CDC5L: variants seen among roughly 807,000 people sequenced by gnomAD.
CDC5L encodes cell division cycle 5-like protein.
Under a neutral mutation model 104.1 loss-of-function variants are expected in CDC5L, and 18 were observed. The ratio of observed to expected loss-of-function variants is 0.17; its 90% CI spans 0.12 to 0.26. The LOEUF is 0.26. Among genes scored for constraint, CDC5L ranks in the 10% least tolerant of loss-of-function variants. The pLI, the probability that CDC5L is intolerant of heterozygous loss-of-function variation, is 1.00. For synonymous variants in CDC5L, 331 were observed against 322.7 expected (o/e 1.03, Z -0.28); for missense variants, 673 against 956.9 (o/e 0.70, Z 3.91).
At chr6:44,403,199 G>A (rs553912132) in intron 5 of CDC5L, among the ~76,000 whole-genome samples, 1 of 152,028 alleles carries the variant, frequency 6.6e-6, no homozygotes, top group Admixed American at 6.5e-5. Flanking sequence ...AATTAGATAT[G>A]CACAAATGGT....
intron 5 of CDC5L, among the ~76,000 whole-genome samples, chr6:44,402,909 A>G (rs1251394931): frequency 6.6e-6 from 1 of 152,182 alleles, no homozygotes; most frequent in African/African-American, 2.4e-5. Flanking sequence ...TCTTACTGAT[A>G]GTTGTTTAGA....
At chr6:44,438,222 A>T (rs1209918643) in intron 14 of CDC5L, among the ~76,000 whole-genome samples, 1 of 152,230 alleles carries the variant, frequency 6.6e-6, no homozygotes, top group Admixed American at 6.5e-5. Context: ...TGCTAGGATT[A>T]CAGGTGTGAA....
intron 4 of CDC5L, among the ~76,000 whole-genome samples, chr6:44,394,613 T>C (rs1486349250): frequency 6.6e-6 from 1 of 151,680 alleles, no homozygotes; most frequent in Admixed American, 6.6e-5. Context: ...CCCAGCACGT[T>C]GGGAGGCTGA....
In CDC5L at chr6:44,399,436, T is replaced by A. The variant is rs1791018077; in HGVS notation, c.539+2996T>A. On this transcript the variant is annotated intron_variant, in intron 5 of 15. Coordinates refer to ENST00000371477, the MANE Select transcript of CDC5L (RefSeq NM_001253.4). ...TATATCTTCAAATATTTAATTCTGC[T>A]CCTTTCACTTCTCTCCTTTTGGTAC... Among the ~76,000 whole-genome samples the A allele has an allele frequency of 3.3e-5, 5 of 152,336 alleles. No homozygotes were observed. The South Asian group carries it at 1.0e-3, about 32-fold the overall frequency.
intron 8 of CDC5L, among the ~76,000 whole-genome samples, chr6:44,416,847 T>C (rs1791929943): frequency 1.3e-5 from 2 of 152,228 alleles, no homozygotes; most frequent in South Asian, 4.1e-4. Context: ...TTGATTCTTA[T>C]TTCTCCTCTT....
At position 44,446,785 on chromosome 6, in the gene CDC5L, T is replaced by C. The variant is rs1028202422; in HGVS notation, c.*74T>C. On this transcript the variant is annotated 3_prime_UTR_variant, in exon 16 of 16. Transcript: ENST00000371477. ...ACTCTAGAAGGCTGAAACTGATGTT[T>C]ATCTTCATTGACAAATTTACCCACC... The C allele has an allele frequency of 2.0e-4, 147 of 717,372 alleles. No homozygotes were observed. Among genetic ancestry groups the C allele is most frequent in the Admixed American group, 1.1e-3 (42 of 37,658 alleles). 44.4% of individuals were successfully genotyped at this position (717,372 alleles called of 1,614,324 possible).
intron 8 of CDC5L, among the ~76,000 whole-genome samples, chr6:44,417,741 C>G (rs552153513): frequency 6.6e-6 from 1 of 152,232 alleles, no homozygotes; most frequent in African/African-American, 2.4e-5. Flanking sequence ...GACCTGACCC[C>G]CACAAGTTGT....
At chr6:44,415,540 C>A (rs978693134) in intron 8 of CDC5L, among the ~76,000 whole-genome samples, 3 of 152,050 alleles carry the variant, frequency 2.0e-5, no homozygotes, top group Non-Finnish European at 1.5e-5. Context: ...GCTTTTTTGT[C>A]CTCCCCCATG....
chr6:44,399,641 T>G (rs1429505899), intron 5 of CDC5L, among the ~76,000 whole-genome samples: 1 of 152,184 alleles, frequency 6.6e-6, no homozygotes. Context: ...AGTTTACATT[T>G]CAGCTTTGTA....
At chr6:44,408,708 G>A (rs1024863105) in intron 8 of CDC5L, 76 bp downstream of exon 8, 11 of 1,103,054 alleles carry the variant, frequency 1.0e-5, no homozygotes, top group South Asian at 4.2e-5. Context: ...AGAACTAAGC[G>A]GTTTGGTTGT....
chr6:44,406,991 G>C (rs1290594422), intron 7 of CDC5L, among the ~76,000 whole-genome samples: 1 of 152,092 alleles, frequency 6.6e-6, no homozygotes, highest in Non-Finnish European at 1.5e-5. Context: ...GATAGCTTCA[G>C]CTTCTCTGTA....
At chr6:44,405,787 A>G (rs1393381181) in intron 6 of CDC5L, among the ~76,000 whole-genome samples, 1 of 152,166 alleles carries the variant, frequency 6.6e-6, no homozygotes. Context: ...TAGTACTTCA[A>G]TTAGGGTACC....
intron 14 of CDC5L, among the ~76,000 whole-genome samples, chr6:44,441,932 CTTTTTTTTTTT>C (rs145016358): frequency 0.031 from 2,860 of 92,878 alleles, 60 homozygotes; most frequent in South Asian, 0.14. Flanking sequence ...AGGTCTTGTT[CTTTTTTTTTTT>C]TTTTTTTTTT....
Position 44,406,437 on chromosome 6 carries a change from G to T in CDC5L, c.873G>T (p.Lys291Asn). ...QTSGVSEFTK[K>N]RSKLVLPAPQ... is the part of the protein sequence containing the mutation. ...GTGGTGTTTCTGAATTTACTAAAAA[G>T]AGAAGCAAACTAGTACTTCCTGCCC... The change falls in exon 7 of 16, where the codon AAG becomes AAT. Residue 291 changes from lysine (K) to asparagine (N), a missense_variant. Around this residue, in one of 4 missense-constraint regions of CDC5L, gnomAD observed 578 missense variants for 737.0 expected, o/e 0.78. Coordinates refer to ENST00000371477, the MANE Select transcript of CDC5L (RefSeq NM_001253.4). 6.2e-7 allele frequency: 1 copy of T among 1,610,732 alleles called. No homozygotes were observed. The highest frequency in any genetic ancestry group is 1.1e-5 in the South Asian group (1 of 89,622).
intron 9 of CDC5L, among the ~76,000 whole-genome samples, chr6:44,421,251 C>T (rs965391641): frequency 1.3e-5 from 2 of 152,132 alleles, no homozygotes; most frequent in African/African-American, 2.4e-5. Flanking sequence ...CTTCCACATG[C>T]GTTAACTAGA....
chr6:44,422,698 C>T lies in CDC5L; in HGVS notation c.1293C>T (p.Pro431=), dbSNP rs2153381173. The change falls in exon 10 of 16, where the codon CCC becomes CCT. Residue 431 remains proline, a synonymous_variant. Transcript: ENST00000371477. The stretch of plus-strand genomic sequence containing the variant: ...TGACTCCCCGGAGTGGAACAACTCC[C>T]AAACCAGTTATTAACTCTACTCCGG... ...EGLTPRSGTT[P]KPVINSTPGR... 1 of 1,613,140 alleles carries T rather than the reference C, an allele frequency of 6.2e-7. No individual in the cohort carries two copies. The highest frequency in any genetic ancestry group is 1.1e-5 in the South Asian group (1 of 91,026).
Position 44,424,408 on chromosome 6 carries a change from C to G in CDC5L, c.1405-11C>G, listed in dbSNP as rs1266816043. 1 of 1,608,594 alleles carries G rather than the reference C, an allele frequency of 6.2e-7. No homozygotes were observed. Among genetic ancestry groups the G allele is most frequent in the African/African-American group, 1.3e-5 (1 of 74,594 alleles). ...ATGCATGAATTGAGAAGGACCACTT[C>G]TTTTCTACAGGAAAGAGAATCCCGA... is the stretch of plus-strand genomic sequence containing the variant. On this transcript the variant is annotated splice_polypyrimidine_tract_variant and intron_variant, in intron 10 of 15. Transcript: ENST00000371477.
intron 8 of CDC5L, among the ~76,000 whole-genome samples, chr6:44,413,409 G>A (rs1435676964): frequency 6.6e-6 from 1 of 152,116 alleles, no homozygotes; most frequent in Non-Finnish European, 1.5e-5. Context: ...AGACACTTGA[G>A]TTGTTTCTAC....
intron 14 of CDC5L, among the ~76,000 whole-genome samples, chr6:44,443,851 CTT>C (rs76763487): frequency 7.5e-6 from 1 of 133,796 alleles, no homozygotes; most frequent in African/African-American, 2.7e-5. Context: ...TATTTTGTTG[CTT>C]TTTTTTTTTT....
Sources: allele counts gnomAD v4.1 joint callset (sites outside exome capture counted in the v4.1 genomes callset), GRCh38; gene constraint gnomAD v4.1.1; regional missense constraint gnomAD v4.1.1; transcripts MANE v1.5; gene names NCBI Gene and HGNC (gene_info 2026-07-23, HGNC 2026-07-21).